The following C3orf70 variants were observed in gnomAD, a reference collection of about 807,000 sequenced individuals.
The protein encoded by C3orf70 is chromosome 3 open reading frame 70, also known as UPF0524 protein C3orf70.
A neutral mutation model predicts 20.7 loss-of-function variants in C3orf70; 15 were observed. That is an observed-to-expected ratio of 0.72 (90% CI 0.48 to 1.11). The LOEUF is 1.11. Ranked by LOEUF, C3orf70 falls within the 50% of genes most tolerant of loss-of-function variation. The pLI, the probability that C3orf70 is intolerant of heterozygous loss-of-function variation, is 0.00. For missense variants in C3orf70, 332 were observed against 317.6 expected (o/e 1.05, Z -0.34); for synonymous variants, 161 against 125.7 (o/e 1.28, Z -1.88).
Position 185,152,806 on chromosome 3 carries a change from C to G in C3orf70, c.18G>C (p.Ser6=), listed in dbSNP as rs753843551. MSAAA[S]PASERGWKSE... is the part of the protein sequence containing the mutation. ...TCTTCCAACCCCGCTCCGACGCCGGCGAGGCCGCCGCACTCATTTCCTCTC... is the reference window on the plus strand; with the variant it reads ...TCTTCCAACCCCGCTCCGACGCCGGGGAGGCCGCCGCACTCATTTCCTCTC... Residue 6 remains serine (S), a synonymous_variant, in exon 1 of 2, where the codon TCG becomes TCC. Coordinates refer to ENST00000335012, the MANE Select transcript of C3orf70 (RefSeq NM_001025266.3). The G allele has an allele frequency of 1.3e-6, 2 of 1,562,134 alleles. No homozygotes were observed. The highest frequency in any genetic ancestry group is 1.7e-6 in the Non-Finnish European group (2 of 1,152,340).
chr3:185,112,128 T>C (rs970937645), intron 1 of C3orf70, among the ~76,000 whole-genome samples: 1 of 151,960 alleles, frequency 6.6e-6, no homozygotes, highest in Non-Finnish European at 1.5e-5. Context: ...CTGTCTCTAC[T>C]TAAAATACAA....
intron 1 of C3orf70, among the ~76,000 whole-genome samples, chr3:185,102,837 A>C (rs941213109): frequency 6.6e-6 from 1 of 152,260 alleles, no homozygotes; most frequent in Non-Finnish European, 1.5e-5. Context: ...TGATGCTTAG[A>C]TAACTGGCTA....
At chr3:185,152,586 C>A (rs573496843) in intron 1 of C3orf70, 42 bp downstream of exon 1, 2 of 1,507,340 alleles carry the variant, frequency 1.3e-6, no homozygotes, top group Admixed American at 2.1e-5. Context: ...GCGGGCGTCC[C>A]CCGGACCGCG....
chr3:185,138,400 G>C (rs1416663238), intron 1 of C3orf70, among the ~76,000 whole-genome samples: 1 of 151,000 alleles, frequency 6.6e-6, no homozygotes, highest in Non-Finnish European at 1.5e-5. Flanking sequence ...CTAATTCATT[G>C]TATGAAGTTA....
intron 1 of C3orf70, among the ~76,000 whole-genome samples, chr3:185,115,136 TG>T (rs142302337): frequency 0.14 from 22,038 of 152,096 alleles, 1,719 homozygotes; most frequent in East Asian, 0.23. Flanking sequence ...CGGTCTGGGA[TG>T]GTACTCTGGC....
At chr3:185,142,559 A>G (rs897196232) in intron 1 of C3orf70, among the ~76,000 whole-genome samples, 1 of 152,234 alleles carries the variant, frequency 6.6e-6, no homozygotes, top group Non-Finnish European at 1.5e-5. Context: ...GCTGTTTTGC[A>G]ACCACCAGCG....
At chr3:185,098,574 T>G (rs1481646527) in intron 1 of C3orf70, among the ~76,000 whole-genome samples, 2 of 152,236 alleles carry the variant, frequency 1.3e-5, no homozygotes, top group Non-Finnish European at 2.9e-5. Context: ...CAAAATGTGA[T>G]GAAGGCAGAA....
intron 1 of C3orf70, among the ~76,000 whole-genome samples, chr3:185,142,491 C>G (rs192486073): frequency 3.9e-5 from 6 of 152,242 alleles, no homozygotes; most frequent in Admixed American, 3.9e-4. Context: ...AGTTAGAGAA[C>G]CTCTTCATTA....
intron 1 of C3orf70, among the ~76,000 whole-genome samples, chr3:185,096,231 A>G (rs1715698120): frequency 6.6e-6 from 1 of 152,180 alleles, no homozygotes; most frequent in Non-Finnish European, 1.5e-5. Context: ...GAGGAAATCC[A>G]AAGCATTAGG....
intron 1 of C3orf70, among the ~76,000 whole-genome samples, chr3:185,119,201 C>T (rs1716241816): frequency 6.6e-6 from 1 of 152,122 alleles, no homozygotes; most frequent in Admixed American, 6.5e-5. Flanking sequence ...ATGAGGTTGC[C>T]TCTCCTAAAC....
At chr3:185,117,449 ACAGAAAGAG>A (rs1716202572) in intron 1 of C3orf70, among the ~76,000 whole-genome samples, 3 of 129,876 alleles carry the variant, frequency 2.3e-5, no homozygotes, top group African/African-American at 1.1e-4. Flanking sequence ...ACACACACAC[ACAGAAAGAG>A]AGAGAGAGAG....
intron 1 of C3orf70, among the ~76,000 whole-genome samples, chr3:185,088,097 G>A (rs1561327588): frequency 6.6e-6 from 1 of 151,984 alleles, no homozygotes; most frequent in South Asian, 2.1e-4. Flanking sequence ...TTTTGTTAGG[G>A]ACGGAGTTTC....
chr3:185,147,034 G>A (rs1016260467), intron 1 of C3orf70, among the ~76,000 whole-genome samples: 1 of 152,146 alleles, frequency 6.6e-6, no homozygotes, highest in East Asian at 1.9e-4. Context: ...CATCTTCTCT[G>A]AACAGTCTTG....
chr3:185,094,268 A>G (rs867403617), intron 1 of C3orf70, among the ~76,000 whole-genome samples: 1 of 151,754 alleles, frequency 6.6e-6, no homozygotes, highest in Non-Finnish European at 1.5e-5. Flanking sequence ...GTAGAGACTG[A>G]GTTTCACCAG....
rs113805911 is a variant in C3orf70, at chr3:185,080,309, G to A, written c.*2698C>T. 0.025 allele frequency: 3,749 copies of A among 152,714 alleles called. 71 individuals are homozygous for A. The highest frequency in any genetic ancestry group is 0.093 in the East Asian group (481 of 5,192). 9.5% of individuals were successfully genotyped at this position (152,714 alleles called of 1,614,324 possible). A position where few individuals can be genotyped will look rare whatever the true frequency, so the allele number is the denominator to read the frequency against. ...AATCCAAAAATTCCATTAAAATTGT[G>A]TCTAATCAGAATGGCAGTTCAGGAG... On this transcript the variant is annotated 3_prime_UTR_variant, in exon 2 of 2. Coordinates refer to ENST00000335012, the MANE Select transcript of C3orf70 (RefSeq NM_001025266.3).
chr3:185,087,875 A>G (rs1715488686), intron 1 of C3orf70, among the ~76,000 whole-genome samples: 1 of 151,894 alleles, frequency 6.6e-6, no homozygotes, highest in Non-Finnish European at 1.5e-5. Flanking sequence ...TGCATAGTTC[A>G]GTTCTTTGAC....
At chr3:185,093,470 G>T (rs1052498153) in intron 1 of C3orf70, among the ~76,000 whole-genome samples, 7 of 152,232 alleles carry the variant, frequency 4.6e-5, no homozygotes, top group African/African-American at 1.7e-4. Context: ...TTAAGGGACA[G>T]ATATATGCAA....
chr3:185,102,903 T>A (rs192937588), intron 1 of C3orf70, among the ~76,000 whole-genome samples: 163 of 152,134 alleles, frequency 1.1e-3, no homozygotes, highest in African/African-American at 3.7e-3. Context: ...AAAAATTAAC[T>A]CAAGATAGAT....
rs1021133440 is a variant in C3orf70, at chr3:185,079,170, A to G, written c.*3837T>C. On this transcript the variant is annotated 3_prime_UTR_variant, in exon 2 of 2. Coordinates refer to ENST00000335012, the MANE Select transcript of C3orf70 (RefSeq NM_001025266.3). ...GTGGCGGGCACCTATAGTCCCAGCT[A>G]CTCAGGAGGCTGAGGCAGGAGAATG... 1.3e-5 allele frequency: 2 copies of G among 151,524 alleles called. No homozygotes were observed. The highest frequency in any genetic ancestry group is 2.9e-5 in the Non-Finnish European group (2 of 67,972). 9.4% of individuals were successfully genotyped at this position (151,524 alleles called of 1,614,324 possible).
Sources: allele counts gnomAD v4.1 joint callset (sites outside exome capture counted in the v4.1 genomes callset), GRCh38; gene constraint gnomAD v4.1.1; transcripts MANE v1.5; gene names NCBI Gene and HGNC (gene_info 2026-07-23, HGNC 2026-07-21).